Variants in CSMD1 observed in about 807,000 individuals in gnomAD.
CSMD1 encodes the protein CUB and sushi domain-containing protein 1.
In CSMD1, 213 loss-of-function variants were observed where a neutral mutation model predicts 417.5. The ratio of observed to expected loss-of-function variants is 0.51; its 90% CI spans 0.46 to 0.57. CSMD1 has a LOEUF of 0.57. CSMD1 is among the 20% of genes least tolerant of loss of function. CSMD1 has a pLI of 0.00. For synonymous variants in CSMD1, 2,862 were observed against 1,736.8 expected (o/e 1.65, Z -16.11); for missense variants, 6,923 against 4,529.7 (o/e 1.53, Z -15.17).
intron 7 of CSMD1, among the ~76,000 whole-genome samples, chr8:3,695,541 C>T (rs980925305): frequency 3.9e-5 from 6 of 152,036 alleles, no homozygotes; most frequent in African/African-American, 1.2e-4. Context: ...ATAATATTTG[C>T]TAATTGCTTT....
At chr8:4,958,028 G>A (rs1809236114) in intron 1 of CSMD1, among the ~76,000 whole-genome samples, 1 of 152,128 alleles carries the variant, frequency 6.6e-6, no homozygotes, top group Non-Finnish European at 1.5e-5. Context: ...CGACGTTGAG[G>A]AGAAAGCATC....
At chr8:4,018,886 T>C (rs951225555) in intron 4 of CSMD1, among the ~76,000 whole-genome samples, 1 of 152,132 alleles carries the variant, frequency 6.6e-6, no homozygotes, top group African/African-American at 2.4e-5. Context: ...GGGATGATGA[T>C]AATATATAAC....
chr8:3,764,819 T>C (rs927894356), intron 5 of CSMD1, among the ~76,000 whole-genome samples: 1 of 150,152 alleles, frequency 6.7e-6, no homozygotes, highest in Non-Finnish European at 1.5e-5. Context: ...CCATCTTGGC[T>C]CAGTGAAACC....
chr8:4,951,562 A>G (rs1346958770), intron 1 of CSMD1, among the ~76,000 whole-genome samples: 1 of 135,096 alleles, frequency 7.4e-6, no homozygotes, highest in Non-Finnish European at 1.6e-5. Context: ...AGGAAAAGAG[A>G]AAATAAAAAA....
At chr8:4,692,740 A>G (rs1310987526) in intron 1 of CSMD1, among the ~76,000 whole-genome samples, 1 of 152,138 alleles carries the variant, frequency 6.6e-6, no homozygotes, top group African/African-American at 2.4e-5. Flanking sequence ...AATCAGGATG[A>G]TCTCACATCA....
At chr8:4,953,607 GAAAAA>G (rs1808891092) in intron 1 of CSMD1, among the ~76,000 whole-genome samples, 1 of 151,996 alleles carries the variant, frequency 6.6e-6, no homozygotes, top group Admixed American at 6.6e-5. Context: ...ATTTAGTAAA[GAAAAA>G]AACTTGGCAA....
intron 12 of CSMD1, among the ~76,000 whole-genome samples, chr8:3,412,925 G>T (rs1812905064): frequency 6.6e-6 from 1 of 152,170 alleles, no homozygotes; most frequent in Non-Finnish European, 1.5e-5. Context: ...TCTCCATTGG[G>T]AAGCTGGGCT....
At chr8:4,656,001 A>T (rs1362462332) in intron 1 of CSMD1, among the ~76,000 whole-genome samples, 2 of 152,058 alleles carry the variant, frequency 1.3e-5, no homozygotes, top group African/African-American at 4.8e-5. Flanking sequence ...AAATAAACCT[A>T]CTCAATACAT....
At chr8:3,808,562 T>A (rs921697138) in intron 5 of CSMD1, among the ~76,000 whole-genome samples, 2 of 152,216 alleles carry the variant, frequency 1.3e-5, no homozygotes, top group Non-Finnish European at 2.9e-5. Context: ...CTTTATGATA[T>A]GGGGAGAATC....
intron 3 of CSMD1, among the ~76,000 whole-genome samples, chr8:4,128,027 T>G (rs539539244): frequency 1.3e-5 from 2 of 152,210 alleles, no homozygotes; most frequent in East Asian, 3.9e-4. Flanking sequence ...CCACATTTTA[T>G]ATTCTTCAGG....
chr8:4,583,745 C>A (rs7000037), intron 2 of CSMD1, among the ~76,000 whole-genome samples: 6,407 of 149,778 alleles, frequency 0.043, 445 homozygotes, highest in African/African-American at 0.15. Flanking sequence ...CAAAACAGAC[C>A]ACTGGGCTCT....
intron 3 of CSMD1, among the ~76,000 whole-genome samples, chr8:4,295,876 A>G (rs967013608): frequency 2.0e-5 from 3 of 150,280 alleles, no homozygotes; most frequent in Non-Finnish European, 4.4e-5. Context: ...AACAAGTACA[A>G]TGCTCTTGTC....
At chr8:3,475,123 A>G (rs370175552) in intron 11 of CSMD1, among the ~76,000 whole-genome samples, 1 of 152,114 alleles carries the variant, frequency 6.6e-6, no homozygotes, top group Non-Finnish European at 1.5e-5. Context: ...TCTTCCTGCT[A>G]AGCTAAGAGT....
rs150684744 is a variant in CSMD1, at chr8:4,687,629, A to G, written c.86-50071T>C. Among the ~76,000 whole-genome samples the G allele has an allele frequency of 6.5e-3, 995 of 152,300 alleles. 5 individuals carry two copies. Among genetic ancestry groups the G allele is most frequent in the Admixed American group, 0.01 (156 of 15,298 alleles). On this transcript the variant is annotated intron_variant, in intron 1 of 69. Transcript: ENST00000635120. ...TCTGTATTTTCCCGGTGAATTATGA[A>G]GTGTTACTCACAGCTAAATCCGTGA... is the stretch of plus-strand genomic sequence containing the variant.
chr8:3,451,993 G>C (rs935210956), intron 12 of CSMD1, among the ~76,000 whole-genome samples: 2 of 152,202 alleles, frequency 1.3e-5, no homozygotes, highest in South Asian at 2.1e-4. Context: ...TTATTTCATT[G>C]AGCAGTGGTT....
intron 3 of CSMD1, among the ~76,000 whole-genome samples, chr8:4,246,864 C>T (rs1219399588): frequency 6.6e-6 from 1 of 152,094 alleles, no homozygotes; most frequent in Non-Finnish European, 1.5e-5. Context: ...CTCAAATAAT[C>T]TACAAAGTGA....
chr8:4,960,450 T>C (rs1353304538), intron 1 of CSMD1, among the ~76,000 whole-genome samples: 1 of 152,220 alleles, frequency 6.6e-6, no homozygotes, highest in Non-Finnish European at 1.5e-5. Flanking sequence ...ACCTGGCATG[T>C]GCTGGGGATA....
intron 17 of CSMD1, among the ~76,000 whole-genome samples, chr8:3,394,035 TATA>T (rs1811533537): frequency 1.0e-5 from 1 of 99,270 alleles, no homozygotes. Flanking sequence ...TATATATATA[TATA>T]TATATATATA....
chr8:3,346,775 C>T (rs138316630), intron 22 of CSMD1, among the ~76,000 whole-genome samples: 1 of 152,310 alleles, frequency 6.6e-6, no homozygotes, highest in East Asian at 1.9e-4. Flanking sequence ...TTAGAAGTCT[C>T]ATAGTTCAAA....
Sources: allele counts gnomAD v4.1 joint callset (sites outside exome capture counted in the v4.1 genomes callset), GRCh38; gene constraint gnomAD v4.1.1; transcripts MANE v1.5; gene names NCBI Gene and HGNC (gene_info 2026-07-23, HGNC 2026-07-21).